The following LARGE1 variants were observed in gnomAD, a reference collection of about 807,000 sequenced individuals.
The protein encoded by LARGE1 is LARGE xylosyl- and glucuronyltransferase 1.
Under a neutral mutation model 87.6 loss-of-function variants are expected in LARGE1, and 43 were observed. The ratio of observed to expected loss-of-function variants is 0.49; its 90% CI spans 0.38 to 0.63. LARGE1 has a LOEUF of 0.63. Ranked by LOEUF, LARGE1 falls within the 30% of genes least tolerant of loss-of-function variation. The pLI, the probability that LARGE1 is intolerant of heterozygous loss-of-function variation, is 0.00. For missense variants in LARGE1, 802 were observed against 1,000.2 expected (o/e 0.80, Z 2.67); for synonymous variants, 434 against 394.6 (o/e 1.10, Z -1.18).
chr22:33,337,629 C>G lies in LARGE1; in HGVS notation c.1287+17G>C. On this transcript the variant is annotated intron_variant, in intron 10 of 14. Coordinates refer to ENST00000397394, the MANE Select transcript of LARGE1 (RefSeq NM_133642.5). Reference sequence around the variant, plus strand: ...GAGAAGCCGCCCCTTCCCTGCCCAGCCTTGCGAGCCACTTACGTTTTCACT... The same window carrying G: ...GAGAAGCCGCCCCTTCCCTGCCCAGGCTTGCGAGCCACTTACGTTTTCACT... The G allele has an allele frequency of 1.2e-6, 2 of 1,613,988 alleles. No individual in the cohort carries two copies. The highest frequency in any genetic ancestry group is 1.7e-6 in the Non-Finnish European group (2 of 1,179,992).
At chr22:33,368,630 C>CTG (rs369074386) in intron 9 of LARGE1, among the ~76,000 whole-genome samples, 5 of 150,374 alleles carry the variant, frequency 3.3e-5, no homozygotes, top group Admixed American at 1.3e-4. Flanking sequence ...CTAATGAGCT[C>CTG]TGTGTGTGTG....
At chr22:33,328,290 T>C (rs1937414341) in intron 10 of LARGE1, among the ~76,000 whole-genome samples, 1 of 152,138 alleles carries the variant, frequency 6.6e-6, no homozygotes, top group Non-Finnish European at 1.5e-5. Flanking sequence ...TTTCCTTCTG[T>C]ATAAAATGGA....
chr22:33,765,145 C>G (rs1324335514), intron 1 of LARGE1, among the ~76,000 whole-genome samples: 1 of 152,054 alleles, frequency 6.6e-6, no homozygotes, highest in Admixed American at 6.6e-5. Flanking sequence ...TTTCCAGTCC[C>G]CACTGTACGG....
At chr22:33,716,664 C>T (rs7291213) in intron 2 of LARGE1, among the ~76,000 whole-genome samples, 17,967 of 152,162 alleles carry the variant, frequency 0.12, 1,589 homozygotes, top group African/African-American at 0.24. Flanking sequence ...CCTCCCCAAG[C>T]GCTGGGATTA....
At chr22:33,854,094 G>C (rs935301723) in intron 1 of LARGE1, among the ~76,000 whole-genome samples, 2 of 150,562 alleles carry the variant, frequency 1.3e-5, no homozygotes, top group African/African-American at 4.9e-5. Context: ...AAGCACTCTA[G>C]AATGGATTCC....
At chr22:33,419,846 A>T (rs1049262349) in intron 7 of LARGE1, among the ~76,000 whole-genome samples, 2 of 152,044 alleles carry the variant, frequency 1.3e-5, no homozygotes, top group Non-Finnish European at 2.9e-5. Context: ...GCCTACCACC[A>T]TCACACCCAG....
chr22:33,477,214 T>G (rs2069118066), intron 6 of LARGE1, among the ~76,000 whole-genome samples: 1 of 152,166 alleles, frequency 6.6e-6, no homozygotes, highest in South Asian at 2.1e-4. Flanking sequence ...CCTTCTTAGT[T>G]GAATCAGGAG....
At chr22:33,482,766 A>G (rs1448498394) in intron 6 of LARGE1, among the ~76,000 whole-genome samples, 2 of 152,186 alleles carry the variant, frequency 1.3e-5, no homozygotes, top group Non-Finnish European at 2.9e-5. Context: ...AAAAATGTAC[A>G]ATGAAATTAT....
intron 3 of LARGE1, among the ~76,000 whole-genome samples, chr22:33,627,634 T>A (rs1182082654): frequency 6.6e-6 from 1 of 152,170 alleles, no homozygotes; most frequent in Non-Finnish European, 1.5e-5. Flanking sequence ...TACAGGGTGA[T>A]GTGACAATGT....
intron 6 of LARGE1, among the ~76,000 whole-genome samples, chr22:33,501,150 T>C (rs574087806): frequency 6.6e-6 from 1 of 152,236 alleles, no homozygotes; most frequent in South Asian, 2.1e-4. Flanking sequence ...AAATGGTACA[T>C]TAAAGAGTCA....
At chr22:33,088,715 CTTAATAG>C in the LARGE1 span, among the ~76,000 whole-genome samples, 840 of 152,230 alleles carry the variant, frequency 5.5e-3, 11 homozygotes, top group African/African-American at 0.02. Flanking sequence ...AGGAGTGGAA[CTTAATAG>C]TTAAGAGTAC....
At chr22:33,176,051 G>T (rs570090104) in intron 11 of LARGE1, among the ~76,000 whole-genome samples, 1 of 152,200 alleles carries the variant, frequency 6.6e-6, no homozygotes, top group South Asian at 2.1e-4. Flanking sequence ...CAAGCAATGG[G>T]GAAAGGATTC....
At chr22:33,342,182 G>C (rs527670746) in intron 9 of LARGE1, among the ~76,000 whole-genome samples, 2 of 152,290 alleles carry the variant, frequency 1.3e-5, no homozygotes, top group East Asian at 1.9e-4. Context: ...ACACCCAGTG[G>C]GGGGATCGTG....
At chr22:33,140,536 T>C in the LARGE1 span, among the ~76,000 whole-genome samples, 2 of 152,162 alleles carry the variant, frequency 1.3e-5, no homozygotes. Context: ...CAATCTGGTG[T>C]CCTCTAATCA....
chr22:33,271,398 T>C (rs1928236131), downstream of LARGE1, among the ~76,000 whole-genome samples: 1 of 152,208 alleles, frequency 6.6e-6, no homozygotes, highest in Non-Finnish European at 1.5e-5. Context: ...GTAGAAATGT[T>C]AATATCCACT....
chr22:33,113,291 T>G, the LARGE1 span, among the ~76,000 whole-genome samples: 1 of 147,442 alleles, frequency 6.8e-6, no homozygotes, highest in Non-Finnish European at 1.5e-5. Flanking sequence ...CACCACAACC[T>G]CTGCCTCCCA....
intron 10 of LARGE1, among the ~76,000 whole-genome samples, chr22:33,331,589 G>A (rs187331205): frequency 0.012 from 1,802 of 152,088 alleles, 11 homozygotes; most frequent in South Asian, 0.025. Context: ...TGTACTTTTA[G>A]TAGAGACGGG....
chr22:33,784,927 A>G (rs1293223783), intron 1 of LARGE1, among the ~76,000 whole-genome samples: 3 of 151,314 alleles, frequency 2.0e-5, no homozygotes, highest in South Asian at 4.1e-4. Context: ...GTATATACAT[A>G]TATGTATATA....
chr22:33,626,907 A>G (rs2079939610), intron 3 of LARGE1, among the ~76,000 whole-genome samples: 1 of 152,238 alleles, frequency 6.6e-6, no homozygotes, highest in Admixed American at 6.5e-5. Context: ...TGGGCCTCAG[A>G]CATGAATCCC....
Sources: allele counts gnomAD v4.1 joint callset (sites outside exome capture counted in the v4.1 genomes callset), GRCh38; gene constraint gnomAD v4.1.1; transcripts MANE v1.5; gene names NCBI Gene and HGNC (gene_info 2026-07-23, HGNC 2026-07-21).